The following WDR27 variants were observed in gnomAD, a reference collection of about 807,000 sequenced individuals.
The protein encoded by WDR27 is WD repeat domain 27, also known as WD repeat-containing protein 27.
A neutral mutation model predicts 114.4 loss-of-function variants in WDR27; 100 were observed. The ratio of observed to expected loss-of-function variants is 0.87; its 90% CI spans 0.74 to 1.03. The LOEUF (loss-of-function observed/expected upper bound fraction) is 1.03, where lower values mean the gene tolerates loss of function less well. Among genes scored for constraint, WDR27 ranks in the 50% least tolerant of loss-of-function variants. The pLI is 0.00. For missense variants in WDR27, 1,129 were observed against 1,092.9 expected (o/e 1.03, Z -0.47); for synonymous variants, 449 against 423.1 (o/e 1.06, Z -0.75).
At chr6:169,441,804 A>G in the WDR27 span, among the ~76,000 whole-genome samples, 5 of 152,188 alleles carry the variant, frequency 3.3e-5, no homozygotes, top group African/African-American at 1.2e-4. Flanking sequence ...AAGACCACCT[A>G]GTCTGTGTGT....
At chr6:169,488,469 A>G (rs577114241) in intron 25 of WDR27, among the ~76,000 whole-genome samples, 1 of 152,392 alleles carries the variant, frequency 6.6e-6, no homozygotes, top group South Asian at 2.1e-4. Context: ...TTCTAGCATG[A>G]TAATGAGCAG....
chr6:169,508,377 G>A (rs1792289141), intron 25 of WDR27, among the ~76,000 whole-genome samples: 1 of 152,230 alleles, frequency 6.6e-6, no homozygotes, highest in South Asian at 2.1e-4. Flanking sequence ...GCAGCAGCCA[G>A]AGAAATGCAT....
At chr6:169,683,126 G>A (rs894381710) in intron 2 of WDR27, among the ~76,000 whole-genome samples, 4 of 152,154 alleles carry the variant, frequency 2.6e-5, no homozygotes, top group East Asian at 1.9e-4. Context: ...TGAGGAAGAC[G>A]AAGTGGTAGA....
chr6:169,563,406 T>C (rs1799956334), intron 25 of WDR27, among the ~76,000 whole-genome samples: 1 of 152,148 alleles, frequency 6.6e-6, no homozygotes, highest in Non-Finnish European at 1.5e-5. Context: ...AACACTGAAG[T>C]GTTCAGCTCA....
At chr6:169,701,472 G>A (rs1788028865) in intron 1 of WDR27, 79 bp downstream of exon 1, 1 of 152,316 alleles carries the variant, frequency 6.6e-6, no homozygotes, top group African/African-American at 2.4e-5. Context: ...CTACAGCCCT[G>A]GTTCGTTCCT....
chr6:169,449,621 T>C, the WDR27 span, among the ~76,000 whole-genome samples: 1 of 152,184 alleles, frequency 6.6e-6, no homozygotes, highest in African/African-American at 2.4e-5. Context: ...ATCTCTTGCC[T>C]GGAGGTCATT....
At chr6:169,645,047 A>AAAAAAAAAAAAT (rs1820287178) in intron 16 of WDR27, among the ~76,000 whole-genome samples, 2 of 128,058 alleles carry the variant, frequency 1.6e-5, no homozygotes, top group African/African-American at 6.7e-5. Flanking sequence ...AAAAAAAAAA[A>AAAAAAAAAAAAT]AAAAAAAAAA....
intron 16 of WDR27, 40 bp downstream of exon 16, chr6:169,647,733 A>G: frequency 6.9e-7 from 1 of 1,455,810 alleles, no homozygotes; most frequent in Non-Finnish European, 9.4e-7. Flanking sequence ...AAAGACTCTT[A>G]CAATGAAATG....
In WDR27 at chr6:169,518,492, CTG is replaced by C. The variant is rs532236649; in HGVS notation, c.2645+53925_2645+53926del. The stretch of plus-strand genomic sequence containing the variant: ...GTGCCCTCTTAAGTGACAGCACAAA[CTG>C]TACCTGGGGTCCTTTGAGCTGTGGC... On this transcript the variant is annotated intron_variant, in intron 25 of 25. Transcript: ENST00000448612. Among the ~76,000 whole-genome samples, 266 of 152,364 alleles carry C rather than the reference CTG, an allele frequency of 1.7e-3. 3 individuals are homozygous for C. The highest frequency in any genetic ancestry group is 5.9e-3 in the African/African-American group (247 of 41,590).
At chr6:169,446,268 C>A in the WDR27 span, among the ~76,000 whole-genome samples, 2 of 152,030 alleles carry the variant, frequency 1.3e-5, no homozygotes, top group African/African-American at 4.8e-5. Context: ...GGCACCTGAG[C>A]ACCCAGGTCA....
chr6:169,473,617 A>C (rs1002599377), intron 25 of WDR27, among the ~76,000 whole-genome samples: 1 of 152,206 alleles, frequency 6.6e-6, no homozygotes, highest in African/African-American at 2.4e-5. Context: ...AGTTTAGCAG[A>C]AAGGCATTTT....
At chr6:169,614,687 C>CA (rs755678239) in intron 21 of WDR27, among the ~76,000 whole-genome samples, 203 of 103,234 alleles carry the variant, frequency 2.0e-3, no homozygotes, top group Middle Eastern at 5.3e-3. Flanking sequence ...GACTCCATCT[C>CA]AAAAAAAAAA....
chr6:169,500,678 C>T (rs368965365), intron 25 of WDR27, among the ~76,000 whole-genome samples: 1 of 152,146 alleles, frequency 6.6e-6, no homozygotes, highest in East Asian at 1.9e-4. Flanking sequence ...GGGATCTCTC[C>T]TTCAAAGTGG....
the WDR27 span, among the ~76,000 whole-genome samples, chr6:169,430,894 C>T: frequency 6.6e-6 from 1 of 152,164 alleles, no homozygotes; most frequent in African/African-American, 2.4e-5. Flanking sequence ...TCTCAAGTGC[C>T]TACTATGAAG....
intron 25 of WDR27, among the ~76,000 whole-genome samples, chr6:169,555,668 T>C (rs1451573636): frequency 2.0e-5 from 3 of 152,182 alleles, no homozygotes; most frequent in Admixed American, 2.0e-4. Context: ...ACTTTTGTAA[T>C]GGAGCCCGTA....
At chr6:169,488,510 A>T (rs780875090) in intron 25 of WDR27, among the ~76,000 whole-genome samples, 3 of 152,246 alleles carry the variant, frequency 2.0e-5, no homozygotes, top group Non-Finnish European at 4.4e-5. Context: ...CAGTGTCAGA[A>T]GCACCTGGCT....
chr6:169,539,045 C>T (rs112659514), intron 25 of WDR27, among the ~76,000 whole-genome samples: 572 of 152,312 alleles, frequency 3.8e-3, no homozygotes, highest in Non-Finnish European at 6.4e-3. Context: ...ATTCTAGTCC[C>T]TTATCATTAA....
intron 25 of WDR27, among the ~76,000 whole-genome samples, chr6:169,514,744 C>T (rs1479088864): frequency 7.3e-5 from 9 of 123,376 alleles, no homozygotes; most frequent in African/African-American, 3.5e-4. Flanking sequence ...CTTACTATAA[C>T]AGAAAAAAAG....
At chr6:169,511,663 A>C (rs752786422) in intron 25 of WDR27, among the ~76,000 whole-genome samples, 3 of 152,102 alleles carry the variant, frequency 2.0e-5, no homozygotes, top group Non-Finnish European at 2.9e-5. Flanking sequence ...CTGATCCACA[A>C]AGCCTAAAAT....
Sources: gnomAD v4.1 joint callset for allele counts (sites outside exome capture counted in the v4.1 genomes callset) on GRCh38, gnomAD v4.1.1 for gene constraint, MANE v1.5 for transcripts, NCBI Gene and HGNC (gene_info 2026-07-23, HGNC 2026-07-21) for gene names.